Variants in IQCB1 observed in about 807,000 individuals in gnomAD.
IQCB1 encodes the protein IQ calmodulin-binding motif-containing protein 1.
In IQCB1, 56 loss-of-function variants were observed where a neutral mutation model predicts 84.4. The observed-to-expected ratio is 0.66, with a 90% CI of 0.54 to 0.83. The LOEUF (loss-of-function observed/expected upper bound fraction) is 0.83. Ranked by LOEUF, IQCB1 falls within the 40% of genes least tolerant of loss-of-function variation. The probability of loss-of-function intolerance (pLI) is 0.00; values close to 1 mark genes in which losing one functional copy is unlikely to be tolerated. For missense variants in IQCB1, 629 were observed against 682.1 expected (o/e 0.92, Z 0.87); for synonymous variants, 210 against 234.8 (o/e 0.89, Z 0.96).
rs752577242 is a variant in IQCB1 at position 121,799,235 on chromosome 3, C to T, written c.727G>A (p.Glu243Lys). The T allele has an allele frequency of 1.9e-6, 3 of 1,610,298 alleles. No homozygotes were observed. The highest frequency in any genetic ancestry group is 2.7e-5 in the African/African-American group (2 of 74,728). Residue 243 changes from glutamate (E) to lysine (K), a missense_variant, in exon 8 of 15, where the codon GAA (glutamate) becomes AAA (lysine). Coordinates refer to ENST00000310864, the MANE Select transcript of IQCB1 (RefSeq NM_001023570.4). ...CTTTGTCTCAGTAAAATCAAAATTT[C>T]CTGATGGGATTCAGCCATCAACAGT... ...LLLLMAESHQ[E>K]ILILLRQSTC... is the part of the protein sequence containing the mutation.
At chr3:121,779,982 C>T (rs954700488) in intron 13 of IQCB1, among the ~76,000 whole-genome samples, 3 of 152,196 alleles carry the variant, frequency 2.0e-5, no homozygotes, top group Non-Finnish European at 4.4e-5. Flanking sequence ...TTCCGTCTTA[C>T]CTTTTCAGAT....
chr3:121,790,320 A>G, intron 10 of IQCB1, 105 bp from the exon 11 acceptor site: 2 of 987,246 alleles, frequency 2.0e-6, no homozygotes, highest in Non-Finnish European at 3.1e-6. Flanking sequence ...ATTTTAAGAT[A>G]ATTTCTAGTG....
At chr3:121,795,008 C>T (rs937204479) in intron 10 of IQCB1, among the ~76,000 whole-genome samples, 1 of 152,032 alleles carries the variant, frequency 6.6e-6, no homozygotes, top group African/African-American at 2.4e-5. Flanking sequence ...CCTTTTCAGT[C>T]TACTTGAAAT....
In IQCB1 at chr3:121,800,526, CTG is replaced by C. The variant is rs367947887; in HGVS notation, c.588-1154_588-1153del. 3.0e-3 allele frequency among the ~76,000 whole-genome samples: 460 copies of C among 152,034 alleles called. 2 individuals carry two copies. The highest frequency in any genetic ancestry group is 0.011 in the African/African-American group (442 of 41,528). On this transcript the variant is annotated intron_variant, in intron 7 of 14. Coordinates refer to ENST00000310864, the MANE Select transcript of IQCB1 (RefSeq NM_001023570.4). ...CTTTGTGACATCTACTTCTGTGCCACTGTGTCTCTTACATGCTATTCCCTATG... is the reference window on the plus strand; with the variant it reads ...CTTTGTGACATCTACTTCTGTGCCACTGTCTCTTACATGCTATTCCCTATG...
chr3:121,805,355 T>C (rs1223365554), intron 7 of IQCB1, among the ~76,000 whole-genome samples: 2 of 141,060 alleles, frequency 1.4e-5, no homozygotes, highest in East Asian at 3.8e-4. Flanking sequence ...AATAAAGAAA[T>C]AGAAAAAAAG....
At chr3:121,813,622 C>T (rs898064031) in intron 5 of IQCB1, among the ~76,000 whole-genome samples, 67 of 152,120 alleles carry the variant, frequency 4.4e-4, no homozygotes, top group Non-Finnish European at 2.9e-5. Flanking sequence ...GAGTTGCAAT[C>T]CTAGTCTCTG....
At chr3:121,798,145 A>G (rs893684573) in intron 8 of IQCB1, among the ~76,000 whole-genome samples, 1 of 151,968 alleles carries the variant, frequency 6.6e-6, no homozygotes, top group Non-Finnish European at 1.5e-5. Context: ...AAAAATGTCT[A>G]TCTGGCACAA....
intron 5 of IQCB1, among the ~76,000 whole-genome samples, chr3:121,824,053 A>G (rs1950367232): frequency 6.6e-6 from 1 of 152,228 alleles, no homozygotes; most frequent in Non-Finnish European, 1.5e-5. Flanking sequence ...AGACTAGATG[A>G]AAAAGCAAGA....
chr3:121,820,921 C>CA (rs11378349), intron 5 of IQCB1, among the ~76,000 whole-genome samples: 58,423 of 146,690 alleles, frequency 0.4, 11,970 homozygotes, highest in South Asian at 0.56. Context: ...TATGTCTCCT[C>CA]AAAAAAAAAA....
intron 12 of IQCB1, among the ~76,000 whole-genome samples, chr3:121,786,950 A>G (rs558781584): frequency 6.6e-6 from 1 of 152,214 alleles, no homozygotes; most frequent in East Asian, 1.9e-4. Flanking sequence ...AAAGTATTAG[A>G]AAGAAGCCAA....
chr3:121,784,189 CT>C (rs61611986), intron 12 of IQCB1, among the ~76,000 whole-genome samples: 113 of 144,882 alleles, frequency 7.8e-4, no homozygotes, highest in Middle Eastern at 3.5e-3. Flanking sequence ...TTCTATCCAT[CT>C]TTTTTTTTTT....
intron 5 of IQCB1, among the ~76,000 whole-genome samples, chr3:121,822,126 C>T (rs1321410302): frequency 6.6e-6 from 1 of 152,182 alleles, no homozygotes; most frequent in Non-Finnish European, 1.5e-5. Context: ...TAGCACTATG[C>T]TATCAGTTCT....
chr3:121,828,500 G>C lies in IQCB1; in HGVS notation c.233C>G (p.Thr78Ser), dbSNP rs777797930. ...QDYSRIQGGWTTISQLTQILS... is the reference protein window; with the variant it reads ...QDYSRIQGGWSTISQLTQILS... ...TATCTGTGTAAGCTGGGAAATTGTA[G>C]TCCAACCACCCTGGATTCGAGAATA... The change falls in exon 4 of 15, where the codon ACT becomes AGT. Residue 78 changes from threonine (T) to serine (S), a missense_variant. Transcript: ENST00000310864. 2.5e-6 allele frequency: 4 copies of C among 1,613,200 alleles called. No individual in the cohort carries two copies.
chr3:121,791,045 A>C (rs150483493), intron 10 of IQCB1, among the ~76,000 whole-genome samples: 1,217 of 152,324 alleles, frequency 8.0e-3, no homozygotes, highest in Non-Finnish European at 0.012. Context: ...CTATGTAAGG[A>C]GACTACAAGT....
rs575640136 is a variant in IQCB1 at position 121,781,628 on chromosome 3, A to T, written c.1410+115T>A. 2.5e-5 allele frequency: 22 copies of T among 870,888 alleles called. 1 individual carries two copies. The Admixed American group carries it at 3.8e-4, about 15-fold the overall frequency. 53.9% of individuals were successfully genotyped at this position (870,888 alleles called of 1,614,324 possible). A position where few individuals can be genotyped will look rare whatever the true frequency, so the allele number is the denominator to read the frequency against. ...AATGCATTACCTTATACCAGCAATA[A>T]ATGTACACACACACACACACACACA... On this transcript the variant is annotated intron_variant, in intron 13 of 14. Transcript: ENST00000310864.
chr3:121,808,975 T>A lies in IQCB1; in HGVS notation c.428A>T (p.Gln143Leu), dbSNP rs371464318. ...CCAGAAGAGAGAATCAGTCACAATT[T>A]GGAAAAAGTGTAGTAATTCATCTTT... is the stretch of plus-strand genomic sequence containing the variant. The part of the protein sequence containing the change: ...EEKDELLHFF[Q>L]IVTDSLFWLL... Residue 143 changes from glutamine (Q) to leucine (L), a missense_variant, in exon 6 of 15, where the codon CAA becomes CTA. By Grantham distance (113) the Gln-to-Leu change is moderately radical. Coordinates refer to ENST00000310864, the MANE Select transcript of IQCB1 (RefSeq NM_001023570.4). 2 of 1,609,926 alleles carry A rather than the reference T, an allele frequency of 1.2e-6. No homozygotes were observed. Among genetic ancestry groups the A allele is most frequent in the African/African-American group, 1.3e-5 (1 of 74,774 alleles).
At chr3:121,772,214 T>G (rs919493894) in intron 14 of IQCB1, among the ~76,000 whole-genome samples, 2 of 152,120 alleles carry the variant, frequency 1.3e-5, no homozygotes, top group Non-Finnish European at 2.9e-5. Flanking sequence ...GCTCTACAAG[T>G]GAATGGCACT....
At chr3:121,802,538 A>T (rs965257290) in intron 7 of IQCB1, among the ~76,000 whole-genome samples, 1 of 152,052 alleles carries the variant, frequency 6.6e-6, no homozygotes, top group South Asian at 2.1e-4. Flanking sequence ...TTTCCATATT[A>T]ATCTTGCTAC....
intron 13 of IQCB1, among the ~76,000 whole-genome samples, chr3:121,775,858 C>T (rs1948203404): frequency 6.6e-6 from 1 of 152,090 alleles, no homozygotes; most frequent in African/African-American, 2.4e-5. Context: ...TCCTTGTTTC[C>T]TTTTGTAAAC....
Sources: gnomAD v4.1 joint callset for allele counts (sites outside exome capture counted in the v4.1 genomes callset) on GRCh38, gnomAD v4.1.1 for gene constraint, MANE v1.5 for transcripts, NCBI Gene and HGNC (gene_info 2026-07-23, HGNC 2026-07-21) for gene names.